Variants in RIMS1 observed in about 807,000 individuals in gnomAD.
RIMS1 encodes the protein regulating synaptic membrane exocytosis protein 1.
In RIMS1, 83 loss-of-function variants were observed where a neutral mutation model predicts 214.1. The observed-to-expected ratio is 0.39, with a 90% confidence interval of 0.32 to 0.47. The LOEUF (loss-of-function observed/expected upper bound fraction) is 0.47, where lower values mean the gene tolerates loss of function less well. Among genes scored for constraint, RIMS1 ranks in the 20% least tolerant of loss-of-function variants. RIMS1 has a pLI of 0.99. For missense variants in RIMS1, 2,050 were observed against 2,161.8 expected (o/e 0.95, Z 1.03); for synonymous variants, 793 against 786.8 (o/e 1.01, Z -0.13).
At chr6:72,218,343 G>A (rs1183044650) in intron 6 of RIMS1, among the ~76,000 whole-genome samples, 1 of 152,136 alleles carries the variant, frequency 6.6e-6, no homozygotes, top group East Asian at 1.9e-4. Flanking sequence ...CTCAGGTTCA[G>A]TGTGTATTGC....
intron 29 of RIMS1, among the ~76,000 whole-genome samples, chr6:72,337,281 T>C (rs750529347): frequency 1.3e-5 from 2 of 151,814 alleles, no homozygotes; most frequent in African/African-American, 2.4e-5. Context: ...CAATACTAAC[T>C]GTATAATATT....
intron 2 of RIMS1, among the ~76,000 whole-genome samples, chr6:72,048,267 C>G (rs1291830157): frequency 6.6e-6 from 1 of 152,120 alleles, no homozygotes; most frequent in Admixed American, 6.6e-5. Context: ...GAAGGATTTC[C>G]CACTAAAACA....
intron 1 of RIMS1, among the ~76,000 whole-genome samples, chr6:71,919,299 T>C (rs761868464): frequency 6.6e-6 from 1 of 151,928 alleles, no homozygotes; most frequent in Non-Finnish European, 1.5e-5. Context: ...ACTGATTAGA[T>C]GTGGTATTGA....
intron 22 of RIMS1, among the ~76,000 whole-genome samples, chr6:72,269,930 C>T (rs1266602428): frequency 1.3e-5 from 2 of 152,148 alleles, no homozygotes; most frequent in African/African-American, 2.4e-5. Flanking sequence ...AACCTCCTCC[C>T]CTGTCCTCAG....
At position 72,163,190 on chromosome 6, in the gene RIMS1, T is replaced by C. The variant is rs527604289; in HGVS notation, c.472-16385T>C. Among the ~76,000 whole-genome samples the C allele has an allele frequency of 1.9e-4, 26 of 140,366 alleles. 5 individuals are homozygous for C. Among genetic ancestry groups the C allele is most frequent in the Non-Finnish European group, 3.6e-4 (22 of 61,716 alleles). 92.1% of individuals were successfully genotyped at this position (140,366 alleles called of 152,430 possible). ...AGTTGATCGAATCGGCTACTGAGGC[T>C]TCTGCATTCATCACATAGTTCTTGT... On this transcript the variant is annotated intron_variant, in intron 4 of 33. Coordinates refer to ENST00000521978, the MANE Select transcript of RIMS1 (RefSeq NM_014989.7).
intron 2 of RIMS1, among the ~76,000 whole-genome samples, chr6:72,094,315 G>A (rs1021705520): frequency 4.6e-5 from 7 of 151,954 alleles, no homozygotes; most frequent in Non-Finnish European, 1.0e-4. Context: ...ATATTAAATG[G>A]TCTATGAGTG....
chr6:72,316,730 TG>T, intron 28 of RIMS1: 1 of 655,354 alleles, frequency 1.5e-6, no homozygotes, highest in Non-Finnish European at 2.9e-6. Context: ...CAGAGCAGCC[TG>T]GGGGCCCTCT....
intron 6 of RIMS1, among the ~76,000 whole-genome samples, chr6:72,206,599 G>A (rs1260466399): frequency 2.6e-5 from 4 of 152,168 alleles, no homozygotes; most frequent in Non-Finnish European, 5.9e-5. Context: ...TCTGGGGGTA[G>A]TAAGAAGCCA....
At chr6:72,390,506 TA>T in intron 29 of RIMS1, 91 bp from the exon 30 acceptor site, 1 of 1,330,592 alleles carries the variant, frequency 7.5e-7, no homozygotes, top group Non-Finnish European at 1.0e-6. Context: ...TAATTATGTG[TA>T]AAATTAACTA....
chr6:72,327,918 A>AT lies in RIMS1; in HGVS notation c.4131-5680dup, dbSNP rs377045321. On this transcript the variant is annotated intron_variant, in intron 28 of 33. Coordinates refer to ENST00000521978, the MANE Select transcript of RIMS1 (RefSeq NM_014989.7). Reference sequence around the variant, plus strand: ...GGATTCTTTAATTCTCTATGCTAGAATTAGGTAAGTACTCACCTGTACAGA... The same window carrying AT: ...GGATTCTTTAATTCTCTATGCTAGAATTTAGGTAAGTACTCACCTGTACAGA... Among the ~76,000 whole-genome samples the AT allele has an allele frequency of 2.6e-3, 401 of 151,968 alleles. 1 individual carries two copies. Among genetic ancestry groups the AT allele is most frequent in the African/African-American group, 9.2e-3 (381 of 41,512 alleles).
intron 13 of RIMS1, 78 bp from the exon 14 acceptor site, chr6:72,250,843 A>G (rs904977000): frequency 4.1e-5 from 29 of 712,488 alleles, no homozygotes; most frequent in Non-Finnish European, 6.1e-5. Context: ...ATAAATATCA[A>G]TGGCAGTTTT....
chr6:72,173,883 A>T (rs1158999246), intron 4 of RIMS1, among the ~76,000 whole-genome samples: 3 of 152,130 alleles, frequency 2.0e-5, no homozygotes, highest in Non-Finnish European at 2.9e-5. Context: ...TAGGATGGAG[A>T]AAACCTACCT....
chr6:72,045,862 T>G (rs9446554), intron 2 of RIMS1, among the ~76,000 whole-genome samples: 12,152 of 151,490 alleles, frequency 0.08, 533 homozygotes, highest in African/African-American at 0.1. Context: ...GTCTTTGTAT[T>G]ATTTATTGGT....
In RIMS1 at chr6:71,901,614, G is replaced by A. The variant is rs928560249; in HGVS notation, c.164+14427G>A. Reference sequence around the variant, plus strand: ...TGAGATTGGTAGGCTCCTCTATGGTGGCAAGGGTGAAGGACTGGCTGGAAA... The same window carrying A: ...TGAGATTGGTAGGCTCCTCTATGGTAGCAAGGGTGAAGGACTGGCTGGAAA... On this transcript the variant is annotated intron_variant, in intron 1 of 33. Transcript: ENST00000521978. Among the ~76,000 whole-genome samples the A allele has an allele frequency of 2.0e-5, 3 of 152,200 alleles. No individual in the cohort carries two copies. In the South Asian group the frequency reaches 6.2e-4, roughly 32 times the overall value.
At chr6:72,043,273 G>A (rs1365875697) in intron 2 of RIMS1, among the ~76,000 whole-genome samples, 1 of 151,724 alleles carries the variant, frequency 6.6e-6, no homozygotes, top group Non-Finnish European at 1.5e-5. Context: ...TCATTCTTAT[G>A]AAATAGGAAA....
chr6:72,005,820 C>G (rs373693062), intron 2 of RIMS1, among the ~76,000 whole-genome samples: 7 of 152,188 alleles, frequency 4.6e-5, no homozygotes, highest in African/African-American at 1.4e-4. Context: ...TAGTGGGAGG[C>G]AAAATATGGT....
In RIMS1 at chr6:71,969,008, C is replaced by A. The variant is rs759206263; in HGVS notation, c.190C>A (p.Pro64Thr). 2.5e-6 allele frequency: 4 copies of A among 1,614,010 alleles called. No individual in the cohort carries two copies. Among genetic ancestry groups the A allele is most frequent in the Non-Finnish European group, 2.5e-6 (3 of 1,179,862 alleles). ...GTGTGTTGTCAGGGACATGGCGAAGCCTGCTGCCTGCAAAACACCAAGAAA... is the reference window on the plus strand; with the variant it reads ...GTGTGTTGTCAGGGACATGGCGAAGACTGCTGCCTGCAAAACACCAAGAAA... ...LKCVVRDMAK[P>T]AACKTPRNAE... is the part of the protein sequence containing the mutation. Residue 64 changes from proline to threonine, a missense_variant, in exon 2 of 34, where the codon CCT becomes ACT. This residue lies in a region of RIMS1 where 882 missense variants were observed against 828.9 expected (regional missense o/e 1.06). Transcript: ENST00000521978.
intron 26 of RIMS1, among the ~76,000 whole-genome samples, chr6:72,299,119 G>T (rs1416105019): frequency 6.6e-6 from 1 of 151,700 alleles, no homozygotes; most frequent in Non-Finnish European, 1.5e-5. Context: ...GTAGTTTGGG[G>T]GCATCGAAAT....
intron 24 of RIMS1, among the ~76,000 whole-genome samples, chr6:72,290,262 A>G (rs759715797): frequency 2.0e-5 from 3 of 152,204 alleles, no homozygotes; most frequent in Non-Finnish European, 4.4e-5. Context: ...GAAGGCAAGC[A>G]CTTGAAGCTT....
Sources: allele counts gnomAD v4.1 joint callset (sites outside exome capture counted in the v4.1 genomes callset), GRCh38; gene constraint gnomAD v4.1.1; regional missense constraint gnomAD v4.1.1; transcripts MANE v1.5; gene names NCBI Gene and HGNC (gene_info 2026-07-23, HGNC 2026-07-21).